The following MEF2A variants were observed in gnomAD, a reference collection of about 807,000 sequenced individuals.
MEF2A encodes myocyte-specific enhancer factor 2A.
MEF2A carries 28 observed loss-of-function variants against 55.8 expected under a neutral mutation model. That is an observed-to-expected ratio of 0.50 (90% CI 0.37 to 0.69). The LOEUF (loss-of-function observed/expected upper bound fraction) is 0.69, where lower values mean the gene tolerates loss of function less well. MEF2A is among the 30% of genes least tolerant of loss of function. The probability of loss-of-function intolerance (pLI) is 0.00; values close to 1 mark genes in which losing one functional copy is unlikely to be tolerated. For missense variants in MEF2A, 528 were observed against 626.2 expected, an observed-to-expected ratio of 0.84 and a Z score of 1.67; for synonymous variants, 239 against 227.1, an observed-to-expected ratio of 1.05 and a Z score of -0.47.
chr15:99,617,068 A>C (rs2040316242), intron 2 of MEF2A, among the ~76,000 whole-genome samples: 1 of 152,162 alleles, frequency 6.6e-6, no homozygotes, highest in African/African-American at 2.4e-5. Flanking sequence ...TGTGTATCTT[A>C]CGAGAATTGC....
chr15:99,689,730 C>G (rs2092280318), intron 7 of MEF2A, among the ~76,000 whole-genome samples: 2 of 152,200 alleles, frequency 1.3e-5, no homozygotes, highest in African/African-American at 2.4e-5. Context: ...ATTCACCCTC[C>G]TCGGCATACC....
intron 4 of MEF2A, among the ~76,000 whole-genome samples, chr15:99,661,413 GTTTTT>G (rs201573554): frequency 7.7e-6 from 1 of 129,604 alleles, no homozygotes; most frequent in Admixed American, 7.8e-5. Context: ...AAAGATAAGC[GTTTTT>G]TTTTTTTTTT....
intron 2 of MEF2A, among the ~76,000 whole-genome samples, chr15:99,607,505 G>A (rs1299236681): frequency 6.6e-6 from 1 of 152,170 alleles, no homozygotes; most frequent in East Asian, 1.9e-4. Context: ...GAATCATGAT[G>A]TAGAGAACCG....
At chr15:99,607,932 A>G (rs749368353) in intron 2 of MEF2A, among the ~76,000 whole-genome samples, 1 of 152,174 alleles carries the variant, frequency 6.6e-6, no homozygotes, top group South Asian at 2.1e-4. Flanking sequence ...ATCAGTTCTT[A>G]TAATTTCCTG....
chr15:99,642,984 A>G (rs2045300341), intron 3 of MEF2A, among the ~76,000 whole-genome samples: 1 of 152,186 alleles, frequency 6.6e-6, no homozygotes, highest in Non-Finnish European at 1.5e-5. Flanking sequence ...AGGAGTAAAC[A>G]TGACTTTATT....
intron 5 of MEF2A, 40 bp downstream of exon 5, chr15:99,671,494 T>A: frequency 8.7e-6 from 14 of 1,613,872 alleles, no homozygotes; most frequent in Non-Finnish European, 1.2e-5. Context: ...TATTTGTTGA[T>A]CCTTTTTGTT....
intron 7 of MEF2A, among the ~76,000 whole-genome samples, chr15:99,689,120 T>G (rs1056122053): frequency 6.6e-6 from 1 of 152,222 alleles, no homozygotes; most frequent in Admixed American, 6.5e-5. Flanking sequence ...CAATGTGCAT[T>G]TTTCCTCATT....
chr15:99,630,752 T>C (rs866289012), intron 2 of MEF2A, among the ~76,000 whole-genome samples: 10 of 152,250 alleles, frequency 6.6e-5, no homozygotes, highest in Admixed American at 3.9e-4. Context: ...GATTTAAAGC[T>C]GTGCTTCTCT....
At position 99,579,283 on chromosome 15, in the gene MEF2A, A is replaced by T. The variant is rs541839606; in HGVS notation, c.-225+13179A>T. Among the ~76,000 whole-genome samples, 8 of 149,998 alleles carry T rather than the reference A, an allele frequency of 5.3e-5. No individual in the cohort carries two copies. The South Asian group carries it at 1.7e-3, about 31-fold the overall frequency. ...TTAATTCTGTTTAGAGTATTGGCTT[A>T]TAGTTTTTTTTTCTGCTTTAGGGTT... On this transcript the variant is annotated intron_variant, in intron 1 of 11. Transcript: ENST00000557942.
chr15:99,567,888 C>A (rs991850940), intron 1 of MEF2A, among the ~76,000 whole-genome samples: 14 of 152,008 alleles, frequency 9.2e-5, no homozygotes, highest in Non-Finnish European at 1.8e-4. Flanking sequence ...AGCATTGTTG[C>A]AAAAAGTTGT....
At chr15:99,627,912 A>T (rs1232184015) in intron 2 of MEF2A, among the ~76,000 whole-genome samples, 2 of 152,228 alleles carry the variant, frequency 1.3e-5, no homozygotes, top group East Asian at 3.8e-4. Context: ...TAAGCATTTT[A>T]CATCCCTTAG....
chr15:99,690,699 G>T (rs917917934), intron 8 of MEF2A: 20 of 559,090 alleles, frequency 3.6e-5, no homozygotes, highest in African/African-American at 3.3e-4. Flanking sequence ...AAATAAGCCA[G>T]GCATAGAAAG....
At chr15:99,706,337 A>G (rs1390378732) in intron 9 of MEF2A, among the ~76,000 whole-genome samples, 1 of 152,280 alleles carries the variant, frequency 6.6e-6, no homozygotes, top group Non-Finnish European at 1.5e-5. Flanking sequence ...TCATAGACGT[A>G]CAATCCCTAT....
Position 99,712,916 on chromosome 15 carries a change from A to AATGT in MEF2A, c.*145_*146insATGT. On this transcript the variant is annotated 3_prime_UTR_variant, in exon 12 of 12. Transcript: ENST00000557942. The surrounding 1 kb of genome is among the most constrained non-coding windows in gnomAD (Gnocchi z 4.1). ...TTACATATATATGTATGTGGGTGTGAGTGTGTATGTGTGGGTGTGTGTTAC... is the reference window on the plus strand; with the variant it reads ...TTACATATATATGTATGTGGGTGTGAATGTGTGTGTATGTGTGGGTGTGTGTTAC... 1.1e-6 allele frequency: 1 copy of AATGT among 899,942 alleles called. No homozygotes were observed. The highest frequency in any genetic ancestry group is 2.7e-5 in the East Asian group (1 of 37,520). The allele number at this position is 899,942 out of a possible 1,614,324, so 55.7% of individuals were successfully genotyped here.
intron 1 of MEF2A, among the ~76,000 whole-genome samples, chr15:99,582,693 G>A (rs997725530): frequency 1.3e-5 from 2 of 152,062 alleles, no homozygotes. Flanking sequence ...ACTGAGCTGA[G>A]CTTTCGACAT....
rs1368578183 is a variant in MEF2A, at chr15:99,695,154, A to AG, written c.858+4726_858+4727insG. Among the ~76,000 whole-genome samples, 1,019 of 152,180 alleles carry AG rather than the reference A, an allele frequency of 6.7e-3. 11 individuals are homozygous for AG. The highest frequency in any genetic ancestry group is 0.023 in the African/African-American group (968 of 41,506). ...AGATCCGAGTGCTTTCCCTCTTTTTAATTGCTCCAAAAGGTATCTGACTAT... is the reference window on the plus strand; with the variant it reads ...AGATCCGAGTGCTTTCCCTCTTTTTAGATTGCTCCAAAAGGTATCTGACTAT... On this transcript the variant is annotated intron_variant, in intron 8 of 11. Coordinates refer to ENST00000557942, the MANE Select transcript of MEF2A (RefSeq NM_001319206.4).
In MEF2A at chr15:99,712,919, G is replaced by GTGTC. The variant is rs1208335400; in HGVS notation, c.*151_*152insCTGT. On this transcript the variant is annotated 3_prime_UTR_variant, in exon 12 of 12. Transcript: ENST00000557942. This position sits in a 1 kb window ranked among gnomAD's most constrained non-coding sequence, Gnocchi z 4.1. ...CATATATATGTATGTGGGTGTGAGT[G>GTGTC]TGTATGTGTGGGTGTGTGTTACATA... is the stretch of plus-strand genomic sequence containing the variant. The GTGTC allele has an allele frequency of 2.6e-5, 24 of 935,290 alleles. No homozygotes were observed. In the East Asian group the frequency reaches 5.6e-4, roughly 22 times the overall value. The allele number at this position is 935,290 out of a possible 1,614,324, so 57.9% of individuals were successfully genotyped here.
chr15:99,595,575 C>A (rs1305415730), intron 1 of MEF2A, among the ~76,000 whole-genome samples: 1 of 152,080 alleles, frequency 6.6e-6, no homozygotes, highest in Non-Finnish European at 1.5e-5. Flanking sequence ...TATATTGAAT[C>A]CTGGGCCAGA....
At chr15:99,655,971 G>A (rs1442378387) in intron 4 of MEF2A, among the ~76,000 whole-genome samples, 2 of 152,030 alleles carry the variant, frequency 1.3e-5, no homozygotes, top group Admixed American at 6.6e-5. Context: ...CAAAGACTTC[G>A]CTAAGGAACA....
Sources: gnomAD v4.1 joint callset for allele counts (sites outside exome capture counted in the v4.1 genomes callset) on GRCh38, gnomAD v4.1.1 for gene constraint, Gnocchi (gnomAD v3.1) non-coding constraint, MANE v1.5 for transcripts, NCBI Gene and HGNC (gene_info 2026-07-23, HGNC 2026-07-21) for gene names.